DPP10: variants seen among roughly 807,000 people sequenced by gnomAD.
The protein encoded by DPP10 is inactive dipeptidyl peptidase 10.
A neutral mutation model predicts 120.9 loss-of-function variants in DPP10; 33 were observed. The observed-to-expected ratio is 0.27, with a 90% confidence interval of 0.21 to 0.37. The LOEUF (loss-of-function observed/expected upper bound fraction) is 0.37. Ranked by LOEUF, DPP10 falls within the 10% of genes least tolerant of loss-of-function variation. The probability of loss-of-function intolerance (pLI) is 1.00; values close to 1 mark genes in which losing one functional copy is unlikely to be tolerated. For synonymous variants in DPP10, 337 were observed against 326.1 expected, an observed-to-expected ratio of 1.03 and a Z score of -0.36; for missense variants, 816 against 942.8, an observed-to-expected ratio of 0.87 and a Z score of 1.76.
intron 1 of DPP10, among the ~76,000 whole-genome samples, chr2:114,750,553 T>C (rs1679114661): frequency 6.6e-6 from 1 of 152,162 alleles, no homozygotes; most frequent in African/African-American, 2.4e-5. Flanking sequence ...CAAGAGGGTC[T>C]CGATCTCCTA....
At chr2:115,648,951 G>A (rs2087518057) in intron 5 of DPP10, among the ~76,000 whole-genome samples, 1 of 152,250 alleles carries the variant, frequency 6.6e-6, no homozygotes, top group South Asian at 2.1e-4. Flanking sequence ...AAGCAAAGCA[G>A]TAATAAAGAC....
intron 5 of DPP10, among the ~76,000 whole-genome samples, chr2:115,559,072 C>G (rs2080400285): frequency 6.6e-6 from 1 of 152,184 alleles, no homozygotes; most frequent in Non-Finnish European, 1.5e-5. Context: ...GCATATCATT[C>G]TATCTGAATT....
At position 115,727,178 on chromosome 2, in the gene DPP10, C is replaced by T. The variant is rs537267163; in HGVS notation, c.577-638C>T. On this transcript the variant is annotated intron_variant, in intron 7 of 25. Coordinates refer to ENST00000410059, the MANE Select transcript of DPP10 (RefSeq NM_020868.6). ...TTATTTTGGCAGACTGTGCTATGTT[C>T]AAATTAAGACTCTCTCTGGAACTCT... Among the ~76,000 whole-genome samples the T allele has an allele frequency of 5.3e-4, 80 of 152,160 alleles. 1 individual carries two copies. The highest frequency in any genetic ancestry group is 1.9e-3 in the African/African-American group (77 of 41,536).
intron 1 of DPP10, among the ~76,000 whole-genome samples, chr2:114,494,651 G>A (rs1051910233): frequency 2.0e-5 from 3 of 152,136 alleles, no homozygotes; most frequent in African/African-American, 7.2e-5. Context: ...AGAGACAATG[G>A]GACAATACTG....
intron 1 of DPP10, among the ~76,000 whole-genome samples, chr2:114,883,811 G>A (rs1421554605): frequency 6.6e-6 from 1 of 152,142 alleles, no homozygotes; most frequent in African/African-American, 2.4e-5. Flanking sequence ...GTGGAGTGAT[G>A]GAAGAAATTG....
At chr2:114,818,122 A>G (rs371609653) in intron 1 of DPP10, among the ~76,000 whole-genome samples, 5 of 152,188 alleles carry the variant, frequency 3.3e-5, no homozygotes, top group Admixed American at 1.3e-4. Context: ...TTACTGCCCA[A>G]AAAGAGAGAG....
At chr2:115,247,419 A>G (rs2058582075) in intron 1 of DPP10, among the ~76,000 whole-genome samples, 1 of 152,184 alleles carries the variant, frequency 6.6e-6, no homozygotes, top group Admixed American at 6.6e-5. Context: ...TGAATAGTGA[A>G]TGCAGAAAGC....
chr2:115,632,990 A>G (rs1274156302), intron 5 of DPP10, among the ~76,000 whole-genome samples: 2 of 152,228 alleles, frequency 1.3e-5, no homozygotes, highest in East Asian at 3.8e-4. Flanking sequence ...GTGGGACTGT[A>G]AACTAATTCA....
At chr2:114,959,398 C>T (rs776307785) in intron 1 of DPP10, among the ~76,000 whole-genome samples, 27 of 152,114 alleles carry the variant, frequency 1.8e-4, no homozygotes, top group Non-Finnish European at 3.1e-4. Context: ...TAGCATGTGT[C>T]AATACTCTGG....
chr2:114,549,744 G>A (rs1395898927), intron 1 of DPP10, among the ~76,000 whole-genome samples: 3 of 151,514 alleles, frequency 2.0e-5, no homozygotes, highest in African/African-American at 7.3e-5. Context: ...GAGAGAGGGC[G>A]AGAGGGGCAT....
intron 5 of DPP10, among the ~76,000 whole-genome samples, chr2:115,664,745 A>C (rs1158664952): frequency 6.6e-6 from 1 of 152,164 alleles, no homozygotes; most frequent in Non-Finnish European, 1.5e-5. Context: ...CAAGGATGTC[A>C]AAGTAGCACT....
chr2:115,733,514 C>T (rs1225970019), intron 8 of DPP10, among the ~76,000 whole-genome samples: 1 of 149,632 alleles, frequency 6.7e-6, no homozygotes, highest in East Asian at 2.0e-4. Flanking sequence ...AGTGGATGGA[C>T]ATGTAAATGG....
chr2:115,017,294 C>A (rs555199619), intron 1 of DPP10, among the ~76,000 whole-genome samples: 4 of 151,096 alleles, frequency 2.6e-5, no homozygotes, highest in Admixed American at 6.6e-5. Flanking sequence ...AAATCAAAAC[C>A]AAAATGAGAT....
At chr2:115,823,612 G>A (rs1184040326) in intron 21 of DPP10, among the ~76,000 whole-genome samples, 1 of 152,148 alleles carries the variant, frequency 6.6e-6, no homozygotes, top group Non-Finnish European at 1.5e-5. Flanking sequence ...TTTGGCTTTT[G>A]TGGATTTATG....
chr2:115,341,364 C>T (rs1284776765), intron 2 of DPP10, among the ~76,000 whole-genome samples: 1 of 152,104 alleles, frequency 6.6e-6, no homozygotes, highest in Non-Finnish European at 1.5e-5. Context: ...CCTGACCCCC[C>T]TGTGCCTGAT....
At chr2:115,825,761 G>T (rs963191090) in intron 21 of DPP10, among the ~76,000 whole-genome samples, 3 of 152,136 alleles carry the variant, frequency 2.0e-5, no homozygotes, top group African/African-American at 7.2e-5. Context: ...TAATGAGAGA[G>T]GGTGTTGAAA....
rs538810054 is a variant in DPP10, at chr2:114,517,903, G to C, written c.60+75065G>C. Among the ~76,000 whole-genome samples the C allele has an allele frequency of 5.3e-5, 8 of 152,138 alleles. No individual in the cohort carries two copies. The East Asian group carries it at 1.4e-3, about 26-fold the overall frequency. On this transcript the variant is annotated intron_variant, in intron 1 of 25. Transcript: ENST00000410059. Reference sequence around the variant, plus strand: ...CCTCTGAGGTTTAGCTTCATATATTGGGCAATGTTTCTATAGGCAGTCATT... The same window carrying C: ...CCTCTGAGGTTTAGCTTCATATATTCGGCAATGTTTCTATAGGCAGTCATT...
In DPP10 at chr2:115,681,300, A is replaced by C. The variant is rs538688145; in HGVS notation, c.442-8387A>C. Among the ~76,000 whole-genome samples, 5 of 152,022 alleles carry C rather than the reference A, an allele frequency of 3.3e-5. 1 individual carries two copies. The highest frequency in any genetic ancestry group is 1.3e-4 in the Admixed American group (2 of 15,268). Reference sequence around the variant, plus strand: ...AATATGAACAATCTAAATAGCTATTAATAGGTAAATACATATATTATAATA... The same window carrying C: ...AATATGAACAATCTAAATAGCTATTCATAGGTAAATACATATATTATAATA... On this transcript the variant is annotated intron_variant, in intron 5 of 25. Transcript: ENST00000410059.
chr2:115,560,226 C>T (rs1401709819), intron 5 of DPP10, among the ~76,000 whole-genome samples: 1 of 148,424 alleles, frequency 6.7e-6, no homozygotes, highest in Admixed American at 6.8e-5. Context: ...AAAAAATTAG[C>T]CAGGTGTGGT....
Sources: allele counts gnomAD v4.1 joint callset (sites outside exome capture counted in the v4.1 genomes callset), GRCh38; gene constraint gnomAD v4.1.1; transcripts MANE v1.5; gene names NCBI Gene and HGNC (gene_info 2026-07-23, HGNC 2026-07-21).